The following LRRC4C variants were observed in gnomAD, a reference collection of about 807,000 sequenced individuals.
LRRC4C encodes the protein leucine rich repeat containing 4C.
Under a neutral mutation model 33.6 loss-of-function variants are expected in LRRC4C, and 5 were observed. The ratio of observed to expected loss-of-function variants is 0.15; its 90% confidence interval spans 0.08 to 0.31. The LOEUF is 0.31. LRRC4C is among the 10% of genes least tolerant of loss of function. LRRC4C has a pLI of 1.00. For synonymous variants in LRRC4C, 329 were observed against 302.0 expected (o/e 1.09, Z -0.93); for missense variants, 560 against 796.7 (o/e 0.70, Z 3.58).
chr11:41,426,263 A>G (rs970357575), intron 1 of LRRC4C: 5 of 152,098 alleles, frequency 3.3e-5, no homozygotes, highest in Admixed American at 1.3e-4. Context: ...TCTAACATAA[A>G]CTATAGCTTT....
intron 2 of LRRC4C, among the ~76,000 whole-genome samples, chr11:40,693,380 T>G (rs1945320373): frequency 6.6e-6 from 1 of 151,930 alleles, no homozygotes; most frequent in Admixed American, 6.6e-5. Flanking sequence ...AGACATTGAG[T>G]TTTTAAAGGC....
chr11:41,244,806 A>G (rs1204430386), intron 1 of LRRC4C, among the ~76,000 whole-genome samples: 4 of 152,314 alleles, frequency 2.6e-5, no homozygotes, highest in African/African-American at 9.6e-5. Context: ...CTCGATGAGT[A>G]AGACTGGATT....
At chr11:41,394,673 T>C (rs1204443796) in intron 1 of LRRC4C, 1 of 151,978 alleles carries the variant, frequency 6.6e-6, no homozygotes, top group African/African-American at 2.4e-5. Flanking sequence ...TGGTCAGCCA[T>C]TGACTACTGG....
chr11:41,277,623 T>A (rs1949525453), intron 1 of LRRC4C, among the ~76,000 whole-genome samples: 1 of 152,110 alleles, frequency 6.6e-6, no homozygotes, highest in Non-Finnish European at 1.5e-5. Context: ...GCCCAAATGC[T>A]GACAACTGAG....
At chr11:41,296,096 A>C (rs1950133526) in intron 1 of LRRC4C, among the ~76,000 whole-genome samples, 1 of 152,182 alleles carries the variant, frequency 6.6e-6, no homozygotes, top group Admixed American at 6.5e-5. Context: ...TGAAGTGTGG[A>C]TCAATATTTC....
chr11:41,184,805 G>T (rs1267543685), intron 1 of LRRC4C, among the ~76,000 whole-genome samples: 1 of 132,960 alleles, frequency 7.5e-6, no homozygotes, highest in Non-Finnish European at 1.7e-5. Flanking sequence ...ACCTGAGACT[G>T]GGCAATTTAC....
intron 1 of LRRC4C, among the ~76,000 whole-genome samples, chr11:41,140,981 T>G (rs989335711): frequency 1.3e-5 from 2 of 152,162 alleles, no homozygotes; most frequent in Admixed American, 6.5e-5. Flanking sequence ...ATTTTTACCT[T>G]TTATACAACG....
intron 2 of LRRC4C, among the ~76,000 whole-genome samples, chr11:40,653,866 C>T (rs1234656294): frequency 1.3e-5 from 2 of 152,172 alleles, no homozygotes; most frequent in Admixed American, 6.5e-5. Context: ...TTTCATGGGC[C>T]AGGGCCCAGG....
chr11:40,925,498 C>T (rs1207154227), intron 2 of LRRC4C, among the ~76,000 whole-genome samples: 2 of 152,184 alleles, frequency 1.3e-5, no homozygotes, highest in Non-Finnish European at 2.9e-5. Context: ...TAACCTGCAA[C>T]TGTCACGCAG....
intron 3 of LRRC4C, among the ~76,000 whole-genome samples, chr11:40,385,863 C>CAAATAAAT (rs60952313): frequency 0.01 from 1,422 of 138,168 alleles, 28 homozygotes; most frequent in African/African-American, 0.032. Context: ...GAGACTCTGT[C>CAAATAAAT]AAATAAATAA....
intron 3 of LRRC4C, among the ~76,000 whole-genome samples, chr11:40,588,026 G>T (rs1438540485): frequency 6.6e-6 from 1 of 151,750 alleles, no homozygotes; most frequent in South Asian, 2.1e-4. Context: ...TTTTTCTATT[G>T]ATTGGAATAG....
chr11:41,071,190 G>A (rs933667247), intron 1 of LRRC4C, among the ~76,000 whole-genome samples: 2 of 152,234 alleles, frequency 1.3e-5, no homozygotes, highest in African/African-American at 4.8e-5. Context: ...TCATGTTAGA[G>A]TTGAACAATG....
In LRRC4C at chr11:40,992,799, T is replaced by C. The variant is rs544653347; in HGVS notation, c.-495-59076A>G. The stretch of plus-strand genomic sequence containing the variant: ...AGTATTCTCATTTAATATTTATTTC[T>C]CCATCTTCCTCATAACAATATTGAG... On this transcript the variant is annotated intron_variant, in intron 1 of 6. Transcript: ENST00000528697. Among the ~76,000 whole-genome samples the C allele has an allele frequency of 2.6e-5, 4 of 152,286 alleles. No individual in the cohort carries two copies. In the South Asian group the frequency reaches 8.3e-4, roughly 32 times the overall value.
At chr11:40,692,530 G>A (rs1224218576) in intron 2 of LRRC4C, among the ~76,000 whole-genome samples, 3 of 152,068 alleles carry the variant, frequency 2.0e-5, no homozygotes, top group Non-Finnish European at 4.4e-5. Flanking sequence ...AGCAAAGGAA[G>A]TTAGAGAGAA....
intron 1 of LRRC4C, among the ~76,000 whole-genome samples, chr11:41,187,202 C>T (rs979352773): frequency 2.0e-4 from 30 of 152,146 alleles, no homozygotes; most frequent in African/African-American, 7.0e-4. Context: ...AGGACAGGCA[C>T]TTCTGTTTTC....
intron 1 of LRRC4C, among the ~76,000 whole-genome samples, chr11:40,992,362 A>G (rs1184637748): frequency 6.6e-6 from 1 of 151,964 alleles, no homozygotes; most frequent in Non-Finnish European, 1.5e-5. Flanking sequence ...TTTTAATATA[A>G]ATTAATAACT....
At chr11:40,521,489 A>T (rs1241830060) in intron 3 of LRRC4C, among the ~76,000 whole-genome samples, 1 of 152,190 alleles carries the variant, frequency 6.6e-6, no homozygotes, top group African/African-American at 2.4e-5. Context: ...ATTCATTCAA[A>T]TATGTATTGA....
chr11:40,396,024 T>G (rs183877903), intron 3 of LRRC4C, among the ~76,000 whole-genome samples: 1 of 152,126 alleles, frequency 6.6e-6, no homozygotes, highest in Non-Finnish European at 1.5e-5. Context: ...TCCTGAGACC[T>G]ACACTCAGAT....
chr11:41,180,825 C>T lies in LRRC4C; in HGVS notation c.-495-247102G>A, dbSNP rs377249582. On this transcript the variant is annotated intron_variant, in intron 1 of 6. Coordinates refer to ENST00000528697, the MANE Select transcript of LRRC4C (RefSeq NM_001258419.2). Reference sequence around the variant, plus strand: ...ATTATCCTAAGATATCTTCTGCTATCGAAAAATCCCTGCCGCAGAACATCA... The same window carrying T: ...ATTATCCTAAGATATCTTCTGCTATTGAAAAATCCCTGCCGCAGAACATCA... Among the ~76,000 whole-genome samples the T allele has an allele frequency of 7.9e-5, 12 of 151,850 alleles. 1 individual carries two copies. In the South Asian group the frequency reaches 2.5e-3, roughly 32 times the overall value.
Sources: allele counts gnomAD v4.1 joint callset (sites outside exome capture counted in the v4.1 genomes callset), GRCh38; gene constraint gnomAD v4.1.1; transcripts MANE v1.5; gene names NCBI Gene and HGNC (gene_info 2026-07-23, HGNC 2026-07-21).